Variants in CAPZB observed in about 807,000 individuals in gnomAD.
CAPZB encodes the protein capping actin protein of muscle Z-line subunit beta, also known as F-actin-capping protein subunit beta.
A neutral mutation model predicts 38.1 loss-of-function variants in CAPZB; 2 were observed. That is an observed-to-expected ratio of 0.05 (90% CI 0.02 to 0.17). The LOEUF is 0.17. CAPZB is among the 10% of genes least tolerant of loss of function. The pLI is 1.00. For synonymous variants in CAPZB, 107 were observed against 127.4 expected (o/e 0.84, Z 1.08); for missense variants, 161 against 334.2 (o/e 0.48, Z 4.04).
At chr1:19,479,331 A>C (rs949766076) in intron 1 of CAPZB, among the ~76,000 whole-genome samples, 2 of 152,226 alleles carry the variant, frequency 1.3e-5, no homozygotes, top group African/African-American at 2.4e-5. Context: ...TGCTGTGTGC[A>C]TCAGGCTGAA....
rs74587810 is a variant in CAPZB, at chr1:19,426,558, G to A, written c.4-6808C>T. 9.7e-3 allele frequency among the ~76,000 whole-genome samples: 1,469 copies of A among 152,138 alleles called. 17 individuals carry two copies. Among genetic ancestry groups the A allele is most frequent in the South Asian group, 0.027 (129 of 4,822 alleles). Reference sequence around the variant, plus strand: ...CTTGTGAGCCCACAAGAGACAACGCGGCTTCTCCCTGCCTGCTAAACACAC... The same window carrying A: ...CTTGTGAGCCCACAAGAGACAACGCAGCTTCTCCCTGCCTGCTAAACACAC... On this transcript the variant is annotated intron_variant, in intron 1 of 8. Transcript: ENST00000264202.
At chr1:19,385,239 AGGGG>A (rs1323011219) in intron 3 of CAPZB, among the ~76,000 whole-genome samples, 1 of 152,200 alleles carries the variant, frequency 6.6e-6, no homozygotes, top group Non-Finnish European at 1.5e-5. Context: ...CCATGAAGGC[AGGGG>A]GCCTTTGGTC....
intron 1 of CAPZB, among the ~76,000 whole-genome samples, chr1:19,453,890 T>A (rs1010527579): frequency 6.7e-6 from 1 of 149,166 alleles, no homozygotes; most frequent in African/African-American, 2.5e-5. Context: ...CATCCCCTGG[T>A]AGACATCCCT....
intron 4 of CAPZB, among the ~76,000 whole-genome samples, chr1:19,368,270 G>A (rs188320498): frequency 9.2e-5 from 14 of 152,174 alleles, no homozygotes; most frequent in African/African-American, 2.9e-4. Context: ...GGGATGGAGC[G>A]CAGGCGGACA....
At chr1:19,376,141 G>C (rs2094143286) in intron 4 of CAPZB, among the ~76,000 whole-genome samples, 1 of 152,162 alleles carries the variant, frequency 6.6e-6, no homozygotes. Context: ...TAAAGAATCA[G>C]AATCACCCCC....
intron 2 of CAPZB, among the ~76,000 whole-genome samples, chr1:19,396,477 C>T (rs1223083057): frequency 2.0e-5 from 3 of 152,188 alleles, no homozygotes; most frequent in Admixed American, 6.5e-5. Context: ...ACCCACTGGG[C>T]GTGGGCTGCC....
At chr1:19,432,477 T>C (rs1019628148) in intron 1 of CAPZB, among the ~76,000 whole-genome samples, 14 of 152,200 alleles carry the variant, frequency 9.2e-5, no homozygotes, top group African/African-American at 3.4e-4. Context: ...TTATATATTG[T>C]CCAGATAATT....
chr1:19,344,296 GGC>G, intron 8 of CAPZB, 60 bp downstream of exon 8: 1 of 1,354,182 alleles, frequency 7.4e-7, no homozygotes, highest in Non-Finnish European at 1.1e-6. Context: ...GCTAGTAACT[GGC>G]AGAGCCAGGG....
chr1:19,469,244 G>A lies in CAPZB; in HGVS notation c.3+16192C>T, dbSNP rs550014332. ...AAGGGGGAGCCACAAGCTGGTGGTG[G>A]CCAGAGGATTGTGGGTGCTCTACAG... On this transcript the variant is annotated intron_variant, in intron 1 of 8. Coordinates refer to ENST00000264202, the MANE Select transcript of CAPZB (RefSeq NM_004930.5). 1.7e-4 allele frequency among the ~76,000 whole-genome samples: 26 copies of A among 152,314 alleles called. No individual in the cohort carries two copies. The East Asian group carries it at 4.6e-3, about 27-fold the overall frequency.
At chr1:19,403,476 G>C (rs1377702478) in intron 2 of CAPZB, among the ~76,000 whole-genome samples, 1 of 152,196 alleles carries the variant, frequency 6.6e-6, no homozygotes, top group African/African-American at 2.4e-5. Flanking sequence ...AACAAGACAG[G>C]GCACAGGCCT....
At chr1:19,369,762 G>T (rs547109623) in intron 4 of CAPZB, among the ~76,000 whole-genome samples, 1 of 152,186 alleles carries the variant, frequency 6.6e-6, no homozygotes, top group South Asian at 2.1e-4. Flanking sequence ...GGAGTGAAGG[G>T]GGATGTCCCC....
chr1:19,465,748 AGTGCCTCCT>A (rs1485924634), intron 1 of CAPZB, among the ~76,000 whole-genome samples: 1 of 152,206 alleles, frequency 6.6e-6, no homozygotes, highest in Non-Finnish European at 1.5e-5. Flanking sequence ...CCCAGAAGCC[AGTGCCTCCT>A]GTCCTGGGCC....
At chr1:19,459,694 C>G (rs1371093442) in intron 1 of CAPZB, among the ~76,000 whole-genome samples, 1 of 152,142 alleles carries the variant, frequency 6.6e-6, no homozygotes, top group East Asian at 1.9e-4. Context: ...CCTGCAGTTT[C>G]ACTTTCTGCA....
chr1:19,461,091 G>A (rs1340824411), intron 1 of CAPZB, among the ~76,000 whole-genome samples: 4 of 117,394 alleles, frequency 3.4e-5, no homozygotes, highest in South Asian at 6.9e-4. Context: ...ACCCCTGGGC[G>A]GGGGCGGGGG....
chr1:19,480,057 A>AG (rs925079719), intron 1 of CAPZB, among the ~76,000 whole-genome samples: 1 of 151,982 alleles, frequency 6.6e-6, no homozygotes, highest in African/African-American at 2.4e-5. Flanking sequence ...TGCGTGGAGG[A>AG]GGGGGAAATG....
At chr1:19,452,519 TC>T (rs1392069449) in intron 1 of CAPZB, among the ~76,000 whole-genome samples, 1 of 152,212 alleles carries the variant, frequency 6.6e-6, no homozygotes. Context: ...GGCTGAGCTA[TC>T]CTGGTGCCAA....
chr1:19,454,683 C>T (rs2094527531), intron 1 of CAPZB, among the ~76,000 whole-genome samples: 1 of 152,204 alleles, frequency 6.6e-6, no homozygotes, highest in Non-Finnish European at 1.5e-5. Context: ...GCAGTCTGTA[C>T]TGTAATGCCA....
chr1:19,357,571 A>G lies in CAPZB; in HGVS notation c.330-8T>C, dbSNP rs749729152. The G allele has an allele frequency of 6.2e-7, 1 of 1,613,960 alleles. No individual in the cohort carries two copies. Among genetic ancestry groups the G allele is most frequent in the South Asian group, 1.1e-5 (1 of 91,076 alleles). On this transcript the variant is annotated splice_region_variant and splice_polypyrimidine_tract_variant and intron_variant, in intron 4 of 8. Coordinates refer to ENST00000264202, the MANE Select transcript of CAPZB (RefSeq NM_004930.5). This position sits in a 1 kb window ranked among gnomAD's most constrained non-coding sequence, Gnocchi z 4.3. ...ACGCCACCTTCAAAATACCTGCAGG[A>G]AACAGGCCAATGTGCCTGTTAGATG...
intron 3 of CAPZB, among the ~76,000 whole-genome samples, chr1:19,380,852 C>T (rs950186665): frequency 1.3e-5 from 2 of 151,770 alleles, no homozygotes; most frequent in Admixed American, 1.3e-4. Context: ...CAACTACACG[C>T]TCATTAAAAA....
Sources: allele counts gnomAD v4.1 joint callset (sites outside exome capture counted in the v4.1 genomes callset), GRCh38; gene constraint gnomAD v4.1.1; non-coding constraint Gnocchi (gnomAD v3.1); transcripts MANE v1.5; gene names NCBI Gene and HGNC (gene_info 2026-07-23, HGNC 2026-07-21).